Variants in ZIC4 observed in about 807,000 individuals in gnomAD.
ZIC4 encodes the protein zinc finger protein ZIC 4.
A neutral mutation model predicts 28.8 loss-of-function variants in ZIC4; 15 were observed. The ratio of observed to expected loss-of-function variants is 0.52; its 90% CI spans 0.35 to 0.80. ZIC4 has a LOEUF of 0.80. ZIC4 is among the 30% of genes least tolerant of loss of function. The pLI is 0.01. For missense variants in ZIC4, 512 were observed against 467.1 expected, an observed-to-expected ratio of 1.10 and a Z score of -0.89; for synonymous variants, 220 against 198.1, an observed-to-expected ratio of 1.11 and a Z score of -0.93.
At position 147,387,336 on chromosome 3, in the gene ZIC4, C is replaced by A. The variant is rs1043143933; in HGVS notation, c.*1523G>T. 3 of 152,540 alleles carry A rather than the reference C, an allele frequency of 2.0e-5. No homozygotes were observed. Among genetic ancestry groups the A allele is most frequent in the African/African-American group, 7.2e-5 (3 of 41,400 alleles). 9.4% of individuals were successfully genotyped at this position (152,540 alleles called of 1,614,324 possible). A position where few individuals can be genotyped will look rare whatever the true frequency, so the allele number is the denominator to read the frequency against. On this transcript the variant is annotated 3_prime_UTR_variant, in exon 5 of 5. Transcript: ENST00000383075. ...CTCTTTAGAAACGGTTTGAAACTAA[C>A]GGGGCAGAGGGAGTTTGACAGAGAG...
chr3:147,403,228 C>T (rs2087205837), intron 1 of ZIC4, among the ~76,000 whole-genome samples: 1 of 152,020 alleles, frequency 6.6e-6, no homozygotes, highest in African/African-American at 2.4e-5. Flanking sequence ...GCCTACTGAA[C>T]TCTGAGAGGT....
intron 1 of ZIC4, among the ~76,000 whole-genome samples, chr3:147,404,576 G>C (rs1178338644): frequency 6.6e-6 from 1 of 152,144 alleles, no homozygotes; most frequent in Non-Finnish European, 1.5e-5. Flanking sequence ...ACTCAGTTTC[G>C]TTTTCCCCAA....
intron 1 of ZIC4, 65 bp from the exon 2 acceptor site, chr3:147,402,877 C>T: frequency 7.3e-7 from 1 of 1,376,000 alleles, no homozygotes; most frequent in Non-Finnish European, 1.0e-6. Flanking sequence ...GTGGCAACAT[C>T]CTGTGGTTTG....
intron 2 of ZIC4, among the ~76,000 whole-genome samples, chr3:147,399,908 T>C (rs530280113): frequency 3.3e-5 from 5 of 152,098 alleles, no homozygotes; most frequent in Admixed American, 2.0e-4. Context: ...TCAGGTGACC[T>C]GCCCACTTCG....
chr3:147,395,528 G>C (rs2087020715), intron 3 of ZIC4, among the ~76,000 whole-genome samples: 1 of 152,144 alleles, frequency 6.6e-6, no homozygotes, highest in Admixed American at 6.5e-5. Flanking sequence ...ATGTCTTTAC[G>C]ACTTTGGGGA....
chr3:147,405,775 C>A (rs1000496189), intron 1 of ZIC4: 2 of 449,212 alleles, frequency 4.5e-6, no homozygotes, highest in Non-Finnish European at 4.0e-6. Flanking sequence ...TGGACTCAGG[C>A]GGCATCTGCC....
intron 2 of ZIC4, among the ~76,000 whole-genome samples, chr3:147,402,353 C>T (rs559449211): frequency 7.9e-4 from 120 of 152,278 alleles, no homozygotes; most frequent in Non-Finnish European, 1.4e-3. Context: ...ACATGTCAAA[C>T]CTCATTCCAA....
chr3:147,397,217 GAT>G (rs1313786177), intron 2 of ZIC4: 2 of 152,122 alleles, frequency 1.3e-5, no homozygotes, highest in Non-Finnish European at 1.5e-5. Context: ...AGTCAATAGA[GAT>G]TCAGGGCCGT....
intron 3 of ZIC4, chr3:147,392,579 C>G (rs2086949503): frequency 3.2e-6 from 1 of 312,598 alleles, no homozygotes. Flanking sequence ...AGTTAAGGGA[C>G]CGGCTACCTA....
intron 1 of ZIC4, among the ~76,000 whole-genome samples, chr3:147,404,814 C>A (rs1374893602): frequency 6.6e-6 from 1 of 152,156 alleles, no homozygotes; most frequent in Admixed American, 6.5e-5. Context: ...ATTGTGGGGC[C>A]GACCTAGCCG....
At chr3:147,405,479 A>C in intron 1 of ZIC4, 2 of 1,537,164 alleles carry the variant, frequency 1.3e-6, no homozygotes, top group Non-Finnish European at 8.7e-7. Flanking sequence ...CATCAACCCC[A>C]ACTTTCAGAT....
chr3:147,404,684 A>C (rs1304349821), intron 1 of ZIC4, among the ~76,000 whole-genome samples: 7 of 152,204 alleles, frequency 4.6e-5, no homozygotes, highest in Non-Finnish European at 7.3e-5. Flanking sequence ...CACCTTGAGA[A>C]GAGGAACGGG....
chr3:147,390,922 C>T lies in ZIC4; in HGVS notation c.1004+9G>A, dbSNP rs747097909. 1 of 1,603,296 alleles carries T rather than the reference C, an allele frequency of 6.2e-7. No homozygotes were observed. Among genetic ancestry groups the T allele is most frequent in the Non-Finnish European group, 8.5e-7 (1 of 1,175,096 alleles). On this transcript the variant is annotated intron_variant, in intron 4 of 4. Transcript: ENST00000383075. ...AGCCGCTATGGGGCCCAAGCCCTGA[C>T]ACACGTACCATTCGCTCAAGTCGGC...
chr3:147,393,521 C>A (rs1472839061), intron 3 of ZIC4: 2 of 212,666 alleles, frequency 9.4e-6, no homozygotes, highest in South Asian at 1.2e-4. Flanking sequence ...CCCGGGGCTG[C>A]GCTGTGAAAG....
chr3:147,391,584 C>A, intron 3 of ZIC4: 2 of 226,490 alleles, frequency 8.8e-6, no homozygotes, highest in Admixed American at 5.4e-5. Context: ...CCACTTGGAA[C>A]CAGAAGCACC....
rs759723825 is a variant in ZIC4 at position 147,396,520 on chromosome 3, G to C, written c.71-51C>G. The C allele has an allele frequency of 6.7e-7, 1 of 1,487,214 alleles. No homozygotes were observed. The highest frequency in any genetic ancestry group is 1.4e-5 in the South Asian group (1 of 72,230). 92.1% of individuals were successfully genotyped at this position (1,487,214 alleles called of 1,614,324 possible). A position where few individuals can be genotyped will look rare whatever the true frequency, so the allele number is the denominator to read the frequency against. Reference sequence around the variant, plus strand: ...TGAGAACGGGTGGCGTGGGCTGCGCGCTCTTCCCTGGGCCCCGGGGGGCAG... The same window carrying C: ...TGAGAACGGGTGGCGTGGGCTGCGCCCTCTTCCCTGGGCCCCGGGGGGCAG... On this transcript the variant is annotated intron_variant, in intron 2 of 4. Coordinates refer to ENST00000383075, the MANE Select transcript of ZIC4 (RefSeq NM_032153.6). This position sits in a 1 kb window ranked among gnomAD's most constrained non-coding sequence, Gnocchi z 4.2.
At chr3:147,393,808 G>C in intron 3 of ZIC4, 1 of 449,468 alleles carries the variant, frequency 2.2e-6, no homozygotes, top group Non-Finnish European at 4.5e-6. Context: ...GCTGGGTGGC[G>C]GTGGCCAGGC....
In ZIC4 at chr3:147,395,057, G is replaced by C. The variant is rs2087011352; in HGVS notation, c.688+795C>G. Among the ~76,000 whole-genome samples the C allele has an allele frequency of 3.9e-5, 6 of 152,260 alleles. No homozygotes were observed. In the South Asian group the frequency reaches 1.2e-3, roughly 32 times the overall value. ...GAGGAGCGAGAAAACCCTAACTAAGGAGAGTACAAACAATGGCTGCTAAAC... is the reference window on the plus strand; with the variant it reads ...GAGGAGCGAGAAAACCCTAACTAAGCAGAGTACAAACAATGGCTGCTAAAC... On this transcript the variant is annotated intron_variant, in intron 3 of 4. Coordinates refer to ENST00000383075, the MANE Select transcript of ZIC4 (RefSeq NM_032153.6).
chr3:147,388,926 A>C, intron 4 of ZIC4, 67 bp from the exon 5 acceptor site: 1 of 771,298 alleles, frequency 1.3e-6, no homozygotes, highest in Non-Finnish European at 2.4e-6. Context: ...TTATTTCATT[A>C]TTTTAGATTG....
Sources: allele counts gnomAD v4.1 joint callset (sites outside exome capture counted in the v4.1 genomes callset), GRCh38; gene constraint gnomAD v4.1.1; non-coding constraint Gnocchi (gnomAD v3.1); transcripts MANE v1.5; gene names NCBI Gene and HGNC (gene_info 2026-07-23, HGNC 2026-07-21).